The following KIF1B variants were observed in gnomAD, a reference collection of about 807,000 sequenced individuals.
The protein encoded by KIF1B is kinesin-like protein KIF1B.
KIF1B carries 76 observed loss-of-function variants against 241.9 expected under a neutral mutation model. The ratio of observed to expected loss-of-function variants is 0.31; its 90% CI spans 0.26 to 0.38. The LOEUF (loss-of-function observed/expected upper bound fraction) is 0.38. KIF1B is among the 10% of genes least tolerant of loss of function. The pLI is 1.00. For missense variants in KIF1B, 1,622 were observed against 2,271.4 expected, an observed-to-expected ratio of 0.71 and a Z score of 5.81; for synonymous variants, 750 against 796.7, an observed-to-expected ratio of 0.94 and a Z score of 0.99.
In KIF1B at chr1:10,326,961, C is replaced by A. The variant is rs936678915; in HGVS notation, c.2924+602C>A. Among the ~76,000 whole-genome samples, 11 of 152,144 alleles carry A rather than the reference C, an allele frequency of 7.2e-5. No homozygotes were observed. The highest frequency in any genetic ancestry group is 1.5e-4 in the Non-Finnish European group (10 of 68,038). On this transcript the variant is annotated intron_variant, in intron 27 of 48. Coordinates refer to ENST00000676179, the MANE Select transcript of KIF1B (RefSeq NM_001365951.3). This position sits in a 1 kb window ranked among gnomAD's most constrained non-coding sequence, Gnocchi z 5.2. ...CCTGTCTTTGGCCAGTTTCACTGAG[C>A]CTATCTACGGATCTTTGGCATCTGC...
At chr1:10,307,893 T>A (rs1650905897) in intron 22 of KIF1B, 1 of 1,049,294 alleles carries the variant, frequency 9.5e-7, no homozygotes, top group Non-Finnish European at 1.2e-6. Flanking sequence ...GCATTTTCTT[T>A]ATTCCTGCTT....
chr1:10,276,233 C>T lies in KIF1B; in HGVS notation c.959-88C>T, dbSNP rs1015783948. On this transcript the variant is annotated intron_variant, in intron 11 of 48. Coordinates refer to ENST00000676179, the MANE Select transcript of KIF1B (RefSeq NM_001365951.3). ...TTGACATTACATTAAATCTTAGGAT[C>T]TGAGATTACAATATCAGATTTGACA... is the stretch of plus-strand genomic sequence containing the variant. 1.4e-5 allele frequency: 12 copies of T among 878,054 alleles called. No individual in the cohort carries two copies. The East Asian group carries it at 2.3e-4, about 17-fold the overall frequency. The allele number at this position is 878,054 out of a possible 1,614,324, so 54.4% of individuals were successfully genotyped here.
intron 15 of KIF1B, among the ~76,000 whole-genome samples, chr1:10,287,284 C>T (rs1248249262): frequency 1.3e-5 from 2 of 152,160 alleles, no homozygotes; most frequent in South Asian, 2.1e-4. Context: ...GCAACCTCTG[C>T]CTTCCAGGTT....
chr1:10,361,963 T>C (rs1638436234), intron 40 of KIF1B, 138 bp downstream of exon 40: 1 of 933,620 alleles, frequency 1.1e-6, no homozygotes, highest in Admixed American at 1.8e-5. Context: ...ACCTGGAATG[T>C]ACTGACTTGC....
chr1:10,273,627 A>G (rs1035356196), intron 10 of KIF1B, among the ~76,000 whole-genome samples: 19 of 147,962 alleles, frequency 1.3e-4, no homozygotes, highest in South Asian at 6.5e-4. Context: ...GGTAGAGTGG[A>G]ATGAGATGAT....
At chr1:10,259,491 TAA>T (rs5772403) in intron 4 of KIF1B, among the ~76,000 whole-genome samples, 4,268 of 138,172 alleles carry the variant, frequency 0.031, 175 homozygotes, top group East Asian at 0.13. Flanking sequence ...ATTTTTAAAT[TAA>T]AAAAAAAAAA....
In KIF1B at chr1:10,324,743, G is replaced by C. The variant is rs759633118; in HGVS notation, c.2538-15G>C. 6.8e-6 allele frequency: 11 copies of C among 1,612,804 alleles called. No homozygotes were observed. The South Asian group carries it at 1.1e-4, about 16-fold the overall frequency. ...TCATTATATTAACCCAATGTGCTTT[G>C]TGTTTACTAAATAGGCAGAGGCTGG... On this transcript the variant is annotated splice_polypyrimidine_tract_variant and intron_variant, in intron 25 of 48. Transcript: ENST00000676179.
At chr1:10,234,759 A>ATTCCTTGCCTTGGCCTCTT in intron 2 of KIF1B, among the ~76,000 whole-genome samples, 1 of 150,854 alleles carries the variant, frequency 6.6e-6, no homozygotes, top group Middle Eastern at 3.6e-3. Flanking sequence ...CCTGGGCTCG[A>ATTCCTTGCCTTGGCCTCTT]GTGATCCTTG....
At chr1:10,297,881 G>C (rs1650349445) in intron 22 of KIF1B, among the ~76,000 whole-genome samples, 2 of 152,268 alleles carry the variant, frequency 1.3e-5, no homozygotes, top group Admixed American at 1.3e-4. Flanking sequence ...TGCTTCCTTT[G>C]AGGGAAGGAG....
chr1:10,223,963 C>T (rs193272277), intron 1 of KIF1B, among the ~76,000 whole-genome samples: 12 of 152,198 alleles, frequency 7.9e-5, no homozygotes, highest in South Asian at 4.2e-4. Flanking sequence ...CAACAATGCC[C>T]GGCTAATTTT....
rs111663673 is a variant in KIF1B at position 10,376,834 on chromosome 1, AACACACAC to A, written c.*273_*280del. 22 of 442,598 alleles carry A rather than the reference AACACACAC, an allele frequency of 5.0e-5. No individual in the cohort carries two copies. Among genetic ancestry groups the A allele is most frequent in the Non-Finnish European group, 6.3e-5 (15 of 236,906 alleles). 27.4% of individuals were successfully genotyped at this position (442,598 alleles called of 1,614,324 possible). ...CTAACAAAAGGAAAAAATGTTTTTA[AACACACAC>A]ACACACACACACACACACACACACA... On this transcript the variant is annotated 3_prime_UTR_variant, in exon 49 of 49. Coordinates refer to ENST00000676179, the MANE Select transcript of KIF1B (RefSeq NM_001365951.3).
At chr1:10,251,971 G>A (rs867690272) in intron 2 of KIF1B, among the ~76,000 whole-genome samples, 4 of 152,074 alleles carry the variant, frequency 2.6e-5, no homozygotes, top group Non-Finnish European at 4.4e-5. Flanking sequence ...TCTTGGTAGA[G>A]TTTGTGTGGT....
At chr1:10,320,661 A>G (rs1651483992) in intron 23 of KIF1B, among the ~76,000 whole-genome samples, 1 of 152,158 alleles carries the variant, frequency 6.6e-6, no homozygotes. Context: ...CCTCTTGGCA[A>G]TCTCAAGGCT....
chr1:10,295,942 A>C (rs1650241747), intron 19 of KIF1B, among the ~76,000 whole-genome samples, 176 bp downstream of exon 19: 1 of 147,816 alleles, frequency 6.8e-6, no homozygotes, highest in East Asian at 2.0e-4. Flanking sequence ...GCTTTACATG[A>C]AAATAGCTTG....
In KIF1B at chr1:10,380,049, T is replaced by C; in HGVS notation, c.*3462T>C. On this transcript the variant is annotated 3_prime_UTR_variant, in exon 49 of 49. Transcript: ENST00000676179. ...AGACAACTCTCCTATTTTTTATGGA[T>C]TTTTCAGCTCATTTCAGATGAAGGA... The C allele has an allele frequency of 4.4e-6, 1 of 228,882 alleles. No homozygotes were observed. Among genetic ancestry groups the C allele is most frequent in the Non-Finnish European group, 8.7e-6 (1 of 115,110 alleles). The allele number at this position is 228,882 out of a possible 1,614,324, so 14.2% of individuals were successfully genotyped here.
intron 2 of KIF1B, among the ~76,000 whole-genome samples, chr1:10,252,869 G>C (rs568772568): frequency 6.6e-6 from 1 of 151,984 alleles, no homozygotes; most frequent in South Asian, 2.1e-4. Flanking sequence ...GATTACAGGC[G>C]TGCCCCACCA....
intron 22 of KIF1B, among the ~76,000 whole-genome samples, chr1:10,309,073 G>A (rs144391629): frequency 6.6e-6 from 1 of 152,192 alleles, no homozygotes; most frequent in African/African-American, 2.4e-5. Flanking sequence ...AGTATTGATG[G>A]TACACTAGAG....
intron 15 of KIF1B, among the ~76,000 whole-genome samples, 177 bp downstream of exon 15, chr1:10,282,710 A>T (rs1649472564): frequency 6.6e-6 from 1 of 152,220 alleles, no homozygotes; most frequent in African/African-American, 2.4e-5. Flanking sequence ...AGAATGCCTG[A>T]GTCTGACATG....
intron 7 of KIF1B, among the ~76,000 whole-genome samples, chr1:10,271,095 A>C (rs1177063376): frequency 2.0e-5 from 3 of 152,046 alleles, no homozygotes; most frequent in African/African-American, 7.2e-5. Context: ...AACATACTCT[A>C]GTAAATTATG....
Sources: allele counts gnomAD v4.1 joint callset (sites outside exome capture counted in the v4.1 genomes callset), GRCh38; gene constraint gnomAD v4.1.1; non-coding constraint Gnocchi (gnomAD v3.1); transcripts MANE v1.5; gene names NCBI Gene and HGNC (gene_info 2026-07-23, HGNC 2026-07-21).